Variants in STAB2 observed in about 807,000 individuals in gnomAD.
STAB2 encodes stabilin 2, also known as stabilin-2.
STAB2 carries 288 observed loss-of-function variants against 338.1 expected under a neutral mutation model. That is an observed-to-expected ratio of 0.85 (90% CI 0.77 to 0.94). The LOEUF (loss-of-function observed/expected upper bound fraction) is 0.94, where lower values mean the gene tolerates loss of function less well. STAB2 is among the 40% of genes least tolerant of loss of function. The probability of loss-of-function intolerance (pLI) is 0.00; values close to 1 mark genes in which losing one functional copy is unlikely to be tolerated. For missense variants in STAB2, 3,141 were observed against 3,210.1 expected (o/e 0.98, Z 0.52); for synonymous variants, 1,202 against 1,193.3 (o/e 1.01, Z -0.15).
chr12:103,674,863 G>A (rs1876182614), intron 23 of STAB2, among the ~76,000 whole-genome samples: 1 of 152,186 alleles, frequency 6.6e-6, no homozygotes, highest in Non-Finnish European at 1.5e-5. Context: ...TATGAGACAA[G>A]AGACTGTCTC....
chr12:103,673,839 G>A (rs1000445972), intron 22 of STAB2, 68 bp from the exon 23 acceptor site: 1 of 1,527,892 alleles, frequency 6.5e-7, no homozygotes, highest in East Asian at 2.3e-5. Flanking sequence ...TGTCCTCCAG[G>A]GTGCTCTGCC....
At chr12:103,677,038 G>C (rs1876443694) in intron 24 of STAB2, among the ~76,000 whole-genome samples, 1 of 152,152 alleles carries the variant, frequency 6.6e-6, no homozygotes, top group African/African-American at 2.4e-5. Flanking sequence ...GGCTCCTCCT[G>C]AGAGGCCCGG....
chr12:103,607,055 A>G (rs868502089), intron 3 of STAB2, among the ~76,000 whole-genome samples: 6 of 152,222 alleles, frequency 3.9e-5, no homozygotes, highest in Non-Finnish European at 4.4e-5. Flanking sequence ...TGTTCCTCTC[A>G]GCATAATAAA....
chr12:103,654,459 C>G (rs1874021791), intron 12 of STAB2, 96 bp from the exon 13 acceptor site: 1 of 1,312,562 alleles, frequency 7.6e-7, no homozygotes, highest in Non-Finnish European at 1.0e-6. Flanking sequence ...CAATAAATAT[C>G]AAAGCCCAAG....
intron 43 of STAB2, among the ~76,000 whole-genome samples, chr12:103,717,459 CAAAGA>C (rs930256835): frequency 2.0e-5 from 3 of 151,634 alleles, no homozygotes; most frequent in African/African-American, 7.3e-5. Context: ...CTTTACCAAT[CAAAGA>C]AAAGAGGTGA....
intron 22 of STAB2, among the ~76,000 whole-genome samples, chr12:103,672,748 G>A (rs928841323): frequency 6.6e-6 from 1 of 152,178 alleles, no homozygotes; most frequent in Admixed American, 6.5e-5. Context: ...TGAGTCTGAT[G>A]AGGTGGCCCG....
intron 3 of STAB2, among the ~76,000 whole-genome samples, chr12:103,605,419 G>A (rs997999741): frequency 5.4e-5 from 7 of 129,888 alleles, no homozygotes; most frequent in African/African-American, 1.9e-4. Context: ...TTCTGTAAAT[G>A]TCAGTTAGGT....
chr12:103,588,790 C>CA lies in STAB2; in HGVS notation c.81+1241dup, dbSNP rs546355940. ...CCTCATGTAAAGAAAAGCTTGCTTT[C>CA]AAAAAAAATGTGAAGGTGTCCTGAC... On this transcript the variant is annotated intron_variant, in intron 1 of 68. Transcript: ENST00000388887. Among the ~76,000 whole-genome samples, 9 of 151,792 alleles carry CA rather than the reference C, an allele frequency of 5.9e-5. No homozygotes were observed. The South Asian group carries it at 1.2e-3, about 21-fold the overall frequency.
At chr12:103,759,035 G>C in intron 64 of STAB2, 98 bp from the exon 65 acceptor site, 1 of 1,594,724 alleles carries the variant, frequency 6.3e-7, no homozygotes. Flanking sequence ...GGAAAGCCTA[G>C]GCCATGAGAA....
At chr12:103,602,184 T>G (rs920264933) in intron 3 of STAB2, among the ~76,000 whole-genome samples, 2 of 152,378 alleles carry the variant, frequency 1.3e-5, no homozygotes, top group African/African-American at 2.4e-5. Context: ...TTTGCCTTTA[T>G]GTCATATAAT....
At chr12:103,730,302 C>CAAGTGCTTCTGCTTGGAGG in intron 49 of STAB2, 46 bp downstream of exon 49, 1 of 1,589,972 alleles carries the variant, frequency 6.3e-7, no homozygotes, top group Non-Finnish European at 8.6e-7. Flanking sequence ...TGACTCAATA[C>CAAGTGCTTCTGCTTGGAGG]ATTATCATCT....
chr12:103,676,996 CCTT>C (rs922162890), intron 24 of STAB2, among the ~76,000 whole-genome samples: 2 of 152,190 alleles, frequency 1.3e-5, no homozygotes, highest in African/African-American at 4.8e-5. Context: ...ATCCCTCTCT[CCTT>C]CTCATTCTGT....
At chr12:103,704,664 C>T in intron 36 of STAB2, 50 bp downstream of exon 36, 1 of 1,535,986 alleles carries the variant, frequency 6.5e-7, no homozygotes, top group Non-Finnish European at 8.9e-7. Flanking sequence ...CCGAGGAGTC[C>T]CAATTAGAAA....
In STAB2 at chr12:103,638,069, C is replaced by T. The variant is rs146198218; in HGVS notation, c.763C>T (p.Leu255=). 13 of 1,614,190 alleles carry T rather than the reference C, an allele frequency of 8.1e-6. No homozygotes were observed. The highest frequency in any genetic ancestry group is 1.1e-5 in the Non-Finnish European group (13 of 1,180,038). The change falls in exon 8 of 69, where the codon CTG becomes TTG. Residue 255 remains leucine (L), a synonymous_variant. Transcript: ENST00000388887. ...ICHPHAHCTY[L]GPNRHSCTCQ... is the part of the protein sequence containing the mutation. ...CCACCCTCATGCTCATTGTACGTAC[C>T]TGGGACCAAATCGGCACAGTTGTAC...
At chr12:103,688,125 T>C (rs775563193) in intron 27 of STAB2, 43 bp from the exon 28 acceptor site, 8 of 1,576,804 alleles carry the variant, frequency 5.1e-6, no homozygotes, top group Non-Finnish European at 4.4e-6. Flanking sequence ...TTCTCTGTGT[T>C]CTCTCCCATC....
In STAB2 at chr12:103,729,185, C is replaced by T. The variant is rs1421328168; in HGVS notation, c.5082+190C>T. Among the ~76,000 whole-genome samples, 3 of 152,264 alleles carry T rather than the reference C, an allele frequency of 2.0e-5. No homozygotes were observed. In the South Asian group the frequency reaches 6.2e-4, roughly 32 times the overall value. On this transcript the variant is annotated intron_variant, in intron 48 of 68. Transcript: ENST00000388887. Reference sequence around the variant, plus strand: ...GACACATAGAGGGGAACAATACACACTGGGGCCTAGTGGAGGGTGGAGAGT... The same window carrying T: ...GACACATAGAGGGGAACAATACACATTGGGGCCTAGTGGAGGGTGGAGAGT...
At chr12:103,736,699 CAATG>C (rs1882153333) in intron 52 of STAB2, among the ~76,000 whole-genome samples, 1 of 152,046 alleles carries the variant, frequency 6.6e-6, no homozygotes, top group Admixed American at 6.5e-5. Context: ...GTGAAAAAAA[CAATG>C]AACCTCAGAG....
chr12:103,656,861 T>C (rs376524829), intron 15 of STAB2, among the ~76,000 whole-genome samples: 2,046 of 150,580 alleles, frequency 0.014, 72 homozygotes, highest in African/African-American at 0.048. Flanking sequence ...TAATTTTTTG[T>C]ATTTTTAGTA....
chr12:103,588,484 T>G (rs143391836), intron 1 of STAB2, among the ~76,000 whole-genome samples: 1 of 152,310 alleles, frequency 6.6e-6, no homozygotes, highest in African/African-American at 2.4e-5. Context: ...GTAATTATCA[T>G]CACCATCATC....
Sources: gnomAD v4.1 joint callset for allele counts (sites outside exome capture counted in the v4.1 genomes callset) on GRCh38, gnomAD v4.1.1 for gene constraint, MANE v1.5 for transcripts, NCBI Gene and HGNC (gene_info 2026-07-23, HGNC 2026-07-21) for gene names.